TMEM243: variants seen among roughly 807,000 people sequenced by gnomAD.
TMEM243 encodes the protein MDR1 and mitochondrial taxol resistance associated.
In TMEM243, 20 loss-of-function variants were observed where a neutral mutation model predicts 15.0. The ratio of observed to expected loss-of-function variants is 1.33; its 90% CI spans 0.94 to 1.93. The LOEUF is 1.93. Ranked by LOEUF, TMEM243 falls within the 30% of genes most tolerant of loss-of-function variation. The probability of loss-of-function intolerance (pLI) is 0.00; values close to 1 mark genes in which losing one functional copy is unlikely to be tolerated. For missense variants in TMEM243, 156 were observed against 142.1 expected (o/e 1.10, Z -0.50); for synonymous variants, 72 against 52.7 (o/e 1.37, Z -1.59).
Position 87,219,591 on chromosome 7 carries a change from C to T in TMEM243, c.-88G>A. ...TCAGGTCCACGACTGCAAGCCTCCT[C>T]CTCACGGCTCCCGCATAGCCGAACC... On this transcript the variant is annotated 5_prime_UTR_variant, in exon 1 of 4. Coordinates refer to ENST00000257637, the MANE Select transcript of TMEM243 (RefSeq NM_024315.4). 8.4e-7 allele frequency: 1 copy of T among 1,195,886 alleles called. No individual in the cohort carries two copies. The highest frequency in any genetic ancestry group is 1.9e-5 in the Admixed American group (1 of 51,696). The allele number at this position is 1,195,886 out of a possible 1,614,324, so 74.1% of individuals were successfully genotyped here.
intron 3 of TMEM243, among the ~76,000 whole-genome samples, chr7:87,197,012 A>T (rs981519068): frequency 6.6e-6 from 1 of 152,102 alleles, no homozygotes; most frequent in African/African-American, 2.4e-5. Flanking sequence ...TCCACCAGTC[A>T]TCTGGCAAGC....
At chr7:87,200,764 A>C (rs1562877930) in intron 1 of TMEM243, among the ~76,000 whole-genome samples, 1 of 152,198 alleles carries the variant, frequency 6.6e-6, no homozygotes, top group East Asian at 1.9e-4. Flanking sequence ...AGATCTCAAT[A>C]CCATTAAGTG....
intron 1 of TMEM243, among the ~76,000 whole-genome samples, chr7:87,211,631 CGAGAGGATGCAAAAT>C (rs1296402043): frequency 6.6e-6 from 1 of 152,120 alleles, no homozygotes; most frequent in Non-Finnish European, 1.5e-5. Context: ...AAAAGCATAA[CGAGAGGATGCAAAAT>C]GTGGGAGAAG....
At chr7:87,204,201 TC>T (rs1802037247) in intron 1 of TMEM243, among the ~76,000 whole-genome samples, 1 of 152,042 alleles carries the variant, frequency 6.6e-6, no homozygotes, top group Non-Finnish European at 1.5e-5. Flanking sequence ...GGGGAAACCG[TC>T]CCCATGATTC....
chr7:87,197,715 T>TA, intron 3 of TMEM243: 1 of 275,584 alleles, frequency 3.6e-6, no homozygotes, highest in Non-Finnish European at 4.8e-6. Context: ...TTTTTTTTTT[T>TA]TAAGCTATCA....
chr7:87,216,246 C>A (rs1302101776), intron 1 of TMEM243, among the ~76,000 whole-genome samples: 1 of 138,264 alleles, frequency 7.2e-6, no homozygotes, highest in Non-Finnish European at 1.5e-5. Context: ...TGCACTCCAG[C>A]CTGGGCAACA....
chr7:87,220,296 C>G (rs1803433694), upstream of TMEM243: 1 of 152,568 alleles, frequency 6.6e-6, no homozygotes, highest in Non-Finnish European at 1.5e-5. Flanking sequence ...GGAGTACGGT[C>G]TAGGCACAGC....
chr7:87,205,353 T>G (rs935127820), intron 1 of TMEM243, among the ~76,000 whole-genome samples: 133 of 152,280 alleles, frequency 8.7e-4, no homozygotes, highest in African/African-American at 3.1e-3. Context: ...TTTTTTTTTT[T>G]TTCTATTGCA....
At chr7:87,199,207 G>A (rs1801606537) in intron 1 of TMEM243, 150 bp from the exon 2 acceptor site, 1 of 596,012 alleles carries the variant, frequency 1.7e-6, no homozygotes, top group East Asian at 3.0e-5. Flanking sequence ...ACAAAGCAAA[G>A]TGTACTGAAC....
At chr7:87,219,325 A>C in intron 1 of TMEM243, 101 bp downstream of exon 1, 1 of 1,127,456 alleles carries the variant, frequency 8.9e-7, no homozygotes, top group Non-Finnish European at 1.3e-6. Context: ...CCTCCCTAAA[A>C]GTGCTTTTAG....
At chr7:87,213,724 T>C (rs1584550111) in intron 1 of TMEM243, among the ~76,000 whole-genome samples, 1 of 152,208 alleles carries the variant, frequency 6.6e-6, no homozygotes, top group East Asian at 1.9e-4. Flanking sequence ...CAAGTTTGAA[T>C]TGCTTGACTA....
chr7:87,208,518 A>G (rs1381037424), intron 1 of TMEM243, among the ~76,000 whole-genome samples: 1 of 152,168 alleles, frequency 6.6e-6, no homozygotes, highest in African/African-American at 2.4e-5. Flanking sequence ...TTGAAAACCC[A>G]GCTCCAGGTC....
At chr7:87,219,099 C>T (rs1207807574) in intron 1 of TMEM243, among the ~76,000 whole-genome samples, 1 of 152,144 alleles carries the variant, frequency 6.6e-6, no homozygotes, top group Non-Finnish European at 1.5e-5. Flanking sequence ...TCTGGAGGGT[C>T]AGTACTCCTG....
intron 1 of TMEM243, among the ~76,000 whole-genome samples, chr7:87,200,201 T>C (rs566377612): frequency 2.6e-5 from 4 of 152,206 alleles, no homozygotes; most frequent in Admixed American, 2.6e-4. Flanking sequence ...ATCACAACTC[T>C]CCAGACCAAG....
At chr7:87,201,669 AAGTG>A (rs1432416496) in intron 1 of TMEM243, among the ~76,000 whole-genome samples, 3 of 152,322 alleles carry the variant, frequency 2.0e-5, no homozygotes, top group Admixed American at 6.5e-5. Context: ...ACATGGAGAA[AAGTG>A]AGTAATACAT....
At chr7:87,206,868 G>C (rs962521258) in intron 1 of TMEM243, among the ~76,000 whole-genome samples, 1 of 152,160 alleles carries the variant, frequency 6.6e-6, no homozygotes, top group Non-Finnish European at 1.5e-5. Flanking sequence ...AATGGCCAAC[G>C]GTATTTTCTT....
At chr7:87,202,630 G>A (rs756970536) in intron 1 of TMEM243, among the ~76,000 whole-genome samples, 2 of 152,188 alleles carry the variant, frequency 1.3e-5, no homozygotes, top group Non-Finnish European at 2.9e-5. Flanking sequence ...AGGTCACACG[G>A]CTAGGTAATG....
intron 1 of TMEM243, among the ~76,000 whole-genome samples, chr7:87,217,136 G>A (rs542614829): frequency 2.0e-5 from 3 of 152,182 alleles, no homozygotes; most frequent in African/African-American, 7.2e-5. Context: ...ATATGTGTCC[G>A]TTCTCATAAA....
At chr7:87,209,666 G>GAGGC (rs1554365951) in intron 1 of TMEM243, among the ~76,000 whole-genome samples, 1 of 132,042 alleles carries the variant, frequency 7.6e-6, no homozygotes, top group African/African-American at 3.0e-5. Flanking sequence ...CAGAGCGAGA[G>GAGGC]AGAGCGAGAG....
Sources: gnomAD v4.1 joint callset for allele counts (sites outside exome capture counted in the v4.1 genomes callset) on GRCh38, gnomAD v4.1.1 for gene constraint, MANE v1.5 for transcripts, NCBI Gene and HGNC (gene_info 2026-07-23, HGNC 2026-07-21) for gene names.